PCDHGB1: variants seen among roughly 807,000 people sequenced by gnomAD.
The protein encoded by PCDHGB1 is protocadherin gamma subfamily B, 1.
Under a neutral mutation model 56.6 loss-of-function variants are expected in PCDHGB1, and 34 were observed. That is an observed-to-expected ratio of 0.60 (90% CI 0.46 to 0.80). The LOEUF is 0.80. PCDHGB1 is among the 30% of genes least tolerant of loss of function. The pLI, the probability that PCDHGB1 is intolerant of heterozygous loss-of-function variation, is 0.00. For missense variants in PCDHGB1, 1,278 were observed against 1,204.6 expected (o/e 1.06, Z -0.90); for synonymous variants, 561 against 505.9 (o/e 1.11, Z -1.46).
chr5:141,443,555 C>T (rs1284929219), intron 1 of PCDHGB1, among the ~76,000 whole-genome samples: 1 of 152,130 alleles, frequency 6.6e-6, no homozygotes, highest in East Asian at 1.9e-4. Flanking sequence ...TGTTCCAATT[C>T]AAATGCTTTA....
chr5:141,425,241 AG>A (rs2096863585), intron 1 of PCDHGB1, among the ~76,000 whole-genome samples: 1 of 152,220 alleles, frequency 6.6e-6, no homozygotes, highest in Admixed American at 6.5e-5. Flanking sequence ...TTAAATAAAA[AG>A]GATATGAGGT....
intron 1 of PCDHGB1, chr5:141,371,109 C>T: frequency 6.2e-7 from 1 of 1,613,836 alleles, no homozygotes; most frequent in South Asian, 1.1e-5. Flanking sequence ...AAATGATAAC[C>T]CCCCAGTATT....
rs771408685 is a variant in PCDHGB1, at chr5:141,486,166, G to T, written c.2410-8641G>T. ...GCGATGGGGGTTCTCCAGCCATGGA[G>T]CAACATTGCAGCCTTCGAGTGGATC... is the stretch of plus-strand genomic sequence containing the variant. On this transcript the variant is annotated intron_variant, in intron 1 of 3. Transcript: ENST00000523390. The surrounding 1 kb of genome is among the most constrained non-coding windows in gnomAD (Gnocchi z 5.0). 1.9e-6 allele frequency: 3 copies of T among 1,614,106 alleles called. No homozygotes were observed. Among genetic ancestry groups the T allele is most frequent in the Non-Finnish European group, 2.5e-6 (3 of 1,180,048 alleles).
intron 1 of PCDHGB1, chr5:141,357,489 G>A: frequency 6.2e-7 from 1 of 1,614,212 alleles, no homozygotes. Flanking sequence ...CCGCGGACTC[G>A]CGGAAGAGTC....
At chr5:141,393,316 A>T (rs2092726404) in intron 1 of PCDHGB1, 2 of 1,612,964 alleles carry the variant, frequency 1.2e-6, no homozygotes, top group Non-Finnish European at 1.7e-6. Flanking sequence ...AACTCCCTCC[A>T]GAGCTACCAG....
intron 1 of PCDHGB1, among the ~76,000 whole-genome samples, chr5:141,435,732 C>T (rs2097777160): frequency 6.6e-6 from 1 of 152,150 alleles, no homozygotes; most frequent in South Asian, 2.1e-4. Flanking sequence ...AAGTGTATTA[C>T]TCTTTGAAAA....
At chr5:141,415,560 GT>G in intron 1 of PCDHGB1, 1 of 1,613,936 alleles carries the variant, frequency 6.2e-7, no homozygotes, top group Non-Finnish European at 8.5e-7. Flanking sequence ...ACGATCCTTT[GT>G]CTTTGTTAGA....
chr5:141,350,598 T>C lies in PCDHGB1; in HGVS notation c.338T>C (p.Val113Ala), dbSNP rs1325007688. The C allele has an allele frequency of 3.1e-6, 5 of 1,613,884 alleles. No individual in the cohort carries two copies. The highest frequency in any genetic ancestry group is 1.7e-5 in the Admixed American group (1 of 60,006). ...FETVAENPMN[V>A]FHVVVVIQDI... ...ACGGTCGCTGAAAACCCAATGAATGTTTTCCACGTGGTTGTTGTAATCCAA... is the reference window on the plus strand; with the variant it reads ...ACGGTCGCTGAAAACCCAATGAATGCTTTCCACGTGGTTGTTGTAATCCAA... Residue 113 changes from valine to alanine, a missense_variant, in exon 1 of 4, where the codon GTT (valine) becomes GCT (alanine). Val to Ala is a moderately conservative substitution (Grantham distance 64). Transcript: ENST00000523390.
At position 141,351,282 on chromosome 5, in the gene PCDHGB1, C is replaced by G. The variant is rs1451959157; in HGVS notation, c.1022C>G (p.Pro341Arg). 6 of 1,613,698 alleles carry G rather than the reference C, an allele frequency of 3.7e-6. No homozygotes were observed. In the African/African-American group the frequency reaches 8.0e-5, roughly 22 times the overall value. The change falls in exon 1 of 4, where the codon CCA becomes CGA. Residue 341 changes from proline (P) to arginine (R), a missense_variant. Physicochemically the swap from Pro to Arg is moderately radical, Grantham distance 103. Coordinates refer to ENST00000523390, the MANE Select transcript of PCDHGB1 (RefSeq NM_018922.3). Reference protein sequence around the residue: ...IEIVDENDNAPEVTFMSFSNQ... With the variant: ...IEIVDENDNAREVTFMSFSNQ... The stretch of plus-strand genomic sequence containing the variant: ...ATTGTTGACGAGAATGACAATGCCC[C>G]AGAGGTGACATTCATGTCCTTCTCT...
Position 141,355,592 on chromosome 5 carries a change from C to A in PCDHGB1, c.2409+2923C>A, listed in dbSNP as rs748609994. ...ATAATCGATGTTAATGATAACCCAC[C>A]CAGTTTTGGGACAGAACAGAGGGAA... is the stretch of plus-strand genomic sequence containing the variant. On this transcript the variant is annotated intron_variant, in intron 1 of 3. Coordinates refer to ENST00000523390, the MANE Select transcript of PCDHGB1 (RefSeq NM_018922.3). The A allele has an allele frequency of 2.5e-6, 4 of 1,613,844 alleles. No individual in the cohort carries two copies. The African/African-American group carries it at 5.3e-5, about 22-fold the overall frequency.
intron 1 of PCDHGB1, among the ~76,000 whole-genome samples, chr5:141,454,458 G>A (rs535843071): frequency 5.3e-5 from 8 of 152,322 alleles, no homozygotes; most frequent in Non-Finnish European, 1.5e-5. Flanking sequence ...CCAGGCTGGA[G>A]TGCAATGGCA....
intron 1 of PCDHGB1, chr5:141,372,265 G>C: frequency 1.5e-5 from 25 of 1,613,132 alleles, no homozygotes; most frequent in Non-Finnish European, 2.1e-5. Flanking sequence ...CTGCGCACGG[G>C]TGAGGTGCGC....
At position 141,491,645 on chromosome 5, in the gene PCDHGB1, C is replaced by T; in HGVS notation, c.2410-3162C>T. On this transcript the variant is annotated intron_variant, in intron 1 of 3. Transcript: ENST00000523390. The surrounding 1 kb of genome is among the most constrained non-coding windows in gnomAD (Gnocchi z 6.9). ...AGCGTTCAGCAGCCCACAGCTCTGG[C>T]GCTGGAGCCTGACGCCATCCGGTCC... 1.2e-6 allele frequency: 2 copies of T among 1,613,890 alleles called. No homozygotes were observed. Among genetic ancestry groups the T allele is most frequent in the African/African-American group, 1.3e-5 (1 of 75,082 alleles).
Position 141,477,098 on chromosome 5 carries a change from G to A in PCDHGB1, c.2410-17709G>A, listed in dbSNP as rs1562059777. 1.9e-6 allele frequency: 3 copies of A among 1,614,124 alleles called. No individual in the cohort carries two copies. The highest frequency in any genetic ancestry group is 3.3e-5 in the Admixed American group (2 of 60,008). The stretch of plus-strand genomic sequence containing the variant: ...GATTTACATCCAGGCCAAAGACAAG[G>A]GCGCCAATCCCGAAGGAGCACATTG... On this transcript the variant is annotated intron_variant, in intron 1 of 3. Coordinates refer to ENST00000523390, the MANE Select transcript of PCDHGB1 (RefSeq NM_018922.3). This position sits in a 1 kb window ranked among gnomAD's most constrained non-coding sequence, Gnocchi z 4.9.
At chr5:141,458,289 T>G (rs2154566205) in intron 1 of PCDHGB1, among the ~76,000 whole-genome samples, 1 of 152,280 alleles carries the variant, frequency 6.6e-6, no homozygotes, top group African/African-American at 2.4e-5. Flanking sequence ...CTGGTCCTCA[T>G]GCTGGTTTAG....
chr5:141,351,613 C>T lies in PCDHGB1; in HGVS notation c.1353C>T (p.Ala451=), dbSNP rs1302240583. Residue 451 remains alanine (A), a synonymous_variant, in exon 1 of 4, where the codon GCC becomes GCT. Transcript: ENST00000523390. ...INDNAPVFHQ[A]SYVVHVSENN... is the part of the protein sequence containing the mutation. Reference sequence around the variant, plus strand: ...ACAATGCACCTGTTTTCCATCAGGCCTCCTATGTGGTCCACGTGTCTGAGA... The same window carrying T: ...ACAATGCACCTGTTTTCCATCAGGCTTCCTATGTGGTCCACGTGTCTGAGA... 2 of 1,614,074 alleles carry T rather than the reference C, an allele frequency of 1.2e-6. No homozygotes were observed. The highest frequency in any genetic ancestry group is 1.7e-6 in the Non-Finnish European group (2 of 1,179,902).
Position 141,431,500 on chromosome 5 carries a change from C to T in PCDHGB1, c.2410-63307C>T, listed in dbSNP as rs903027252. On this transcript the variant is annotated intron_variant, in intron 1 of 3. Transcript: ENST00000523390. This position sits in a 1 kb window ranked among gnomAD's most constrained non-coding sequence, Gnocchi z 4.8. ...CACCAGCGTTTGCTCAGCCCGAGTACCGCGCGAGCGTTCCGGAGAATCTGG... is the reference window on the plus strand; with the variant it reads ...CACCAGCGTTTGCTCAGCCCGAGTATCGCGCGAGCGTTCCGGAGAATCTGG... The T allele has an allele frequency of 4.4e-5, 71 of 1,613,894 alleles. No individual in the cohort carries two copies. The highest frequency in any genetic ancestry group is 5.9e-5 in the Non-Finnish European group (70 of 1,180,050).
At chr5:141,409,054 T>C (rs1314214077) in intron 1 of PCDHGB1, 2 of 1,613,910 alleles carry the variant, frequency 1.2e-6, no homozygotes, top group Non-Finnish European at 1.7e-6. Flanking sequence ...TCCGAAGCAC[T>C]GCCCAGAGCA....
intron 1 of PCDHGB1, chr5:141,427,308 G>A (rs2097014480): frequency 2.2e-6 from 1 of 456,846 alleles, no homozygotes; most frequent in Non-Finnish European, 4.4e-6. Flanking sequence ...GAATGACAAT[G>A]CCCCAGACGT....
Sources: allele counts gnomAD v4.1 joint callset (sites outside exome capture counted in the v4.1 genomes callset), GRCh38; gene constraint gnomAD v4.1.1; non-coding constraint Gnocchi (gnomAD v3.1); transcripts MANE v1.5; gene names NCBI Gene and HGNC (gene_info 2026-07-23, HGNC 2026-07-21).